The following NCR1 variants were observed in gnomAD, a reference collection of about 807,000 sequenced individuals.
The protein encoded by NCR1 is natural cytotoxicity triggering receptor 1.
NCR1 carries 30 observed loss-of-function variants against 32.5 expected under a neutral mutation model. That is an observed-to-expected ratio of 0.92 (90% CI 0.69 to 1.25). The LOEUF (loss-of-function observed/expected upper bound fraction) is 1.25, where lower values mean the gene tolerates loss of function less well. Among genes scored for constraint, NCR1 ranks in the 50% most tolerant of loss-of-function variants. The pLI, the probability that NCR1 is intolerant of heterozygous loss-of-function variation, is 0.00. For missense variants in NCR1, 369 were observed against 380.7 expected, an observed-to-expected ratio of 0.97 and a Z score of 0.26; for synonymous variants, 169 against 143.4, an observed-to-expected ratio of 1.18 and a Z score of -1.28.
chr19:54,932,808 A>C, the NCR1 span, among the ~76,000 whole-genome samples: 4 of 151,992 alleles, frequency 2.6e-5, no homozygotes, highest in Non-Finnish European at 5.9e-5. Context: ...GGCACGCACC[A>C]CCAAGCCTGG....
At chr19:54,938,146 T>C in the NCR1 span, 1 of 1,614,048 alleles carries the variant, frequency 6.2e-7, no homozygotes, top group Non-Finnish European at 8.5e-7. Flanking sequence ...AAACTTGAGG[T>C]TGCTGTTTGA....
the NCR1 span, among the ~76,000 whole-genome samples, chr19:54,900,371 C>A: frequency 6.6e-6 from 1 of 151,974 alleles, no homozygotes; most frequent in Non-Finnish European, 1.5e-5. Context: ...TGTTCTCTGG[C>A]GGGCAGGAGT....
At chr19:54,916,044 C>A (rs1421055392), downstream of NCR1, 1 of 150,140 alleles carries the variant, frequency 6.7e-6, no homozygotes, top group Admixed American at 6.7e-5. Context: ...ACCCAAAGTA[C>A]AGCGAGCTGA....
chr19:54,934,177 G>A, the NCR1 span, among the ~76,000 whole-genome samples: 4 of 152,044 alleles, frequency 2.6e-5, no homozygotes, highest in Admixed American at 6.6e-5. The surrounding 1 kb of genome is among the most constrained non-coding windows in gnomAD (Gnocchi z 6.7). Flanking sequence ...TCTTGACCTC[G>A]TGATCTCCCC....
the NCR1 span, among the ~76,000 whole-genome samples, chr19:54,930,325 G>A: frequency 6.6e-6 from 1 of 151,808 alleles, no homozygotes; most frequent in South Asian, 2.1e-4. Context: ...ACCTGGCCAT[G>A]GTAATACATG....
At chr19:54,915,544 C>T (rs2068114515), downstream of NCR1, among the ~76,000 whole-genome samples, 2 of 152,074 alleles carry the variant, frequency 1.3e-5, no homozygotes, top group Admixed American at 1.3e-4. Context: ...CTCAGCTACT[C>T]GGGAGGCTGA....
the NCR1 span, among the ~76,000 whole-genome samples, chr19:54,921,843 T>C: frequency 1.3e-5 from 2 of 148,524 alleles, no homozygotes; most frequent in African/African-American, 4.9e-5. Flanking sequence ...GCATTAGCCA[T>C]ATGCCCGTGT....
the NCR1 span, among the ~76,000 whole-genome samples, chr19:54,928,438 C>G: frequency 6.6e-5 from 10 of 152,028 alleles, no homozygotes; most frequent in Non-Finnish European, 1.0e-4. Context: ...TGCTGGGGCT[C>G]CAGTAGTGAG....
the NCR1 span, among the ~76,000 whole-genome samples, chr19:54,922,817 GAC>G: frequency 7.0e-6 from 1 of 142,898 alleles, no homozygotes; most frequent in East Asian, 2.0e-4. Flanking sequence ...AGAACAGAGA[GAC>G]ACATACAAAG....
Position 54,906,781 on chromosome 19 carries a change from G to C in NCR1, c.329G>C (p.Ser110Thr). ...GTTGGGGAGCTCTGGTCAGAGCCCA[G>C]CAACTTGCTGGATCTGGTGGTAACA... ...YRVGELWSEPSNLLDLVVTEM... is the reference protein window; with the variant it reads ...YRVGELWSEPTNLLDLVVTEM... The change falls in exon 3 of 7, where the codon AGC becomes ACC. Residue 110 changes from serine (S) to threonine (T), a missense_variant. Physicochemically the swap from Ser to Thr is moderately conservative, Grantham distance 58. Coordinates refer to ENST00000291890, the MANE Select transcript of NCR1 (RefSeq NM_004829.7). 2 of 1,614,202 alleles carry C rather than the reference G, an allele frequency of 1.2e-6. No individual in the cohort carries two copies. The highest frequency in any genetic ancestry group is 1.7e-6 in the Non-Finnish European group (2 of 1,180,040).
the NCR1 span, among the ~76,000 whole-genome samples, chr19:54,922,652 G>A: frequency 5.3e-5 from 8 of 151,952 alleles, 1 homozygote; most frequent in Admixed American, 2.6e-4. Flanking sequence ...GGTGGCACAG[G>A]GCTGTAATTC....
rs980685612 is a variant in NCR1, at chr19:54,913,033, G to A, written c.*162G>A. The A allele has an allele frequency of 6.7e-6, 4 of 594,378 alleles. No individual in the cohort carries two copies. The African/African-American group carries it at 7.7e-5, about 11-fold the overall frequency. The allele number at this position is 594,378 out of a possible 1,614,324, so 36.8% of individuals were successfully genotyped here. On this transcript the variant is annotated 3_prime_UTR_variant, in exon 7 of 7. Coordinates refer to ENST00000291890, the MANE Select transcript of NCR1 (RefSeq NM_004829.7). ...GAGCATCCCGGACGATGCAGAGGGT[G>A]GGAGAACTACATGCTAAATTTCTTT...
At chr19:54,935,875 G>A in the NCR1 span, among the ~76,000 whole-genome samples, 15 of 151,964 alleles carry the variant, frequency 9.9e-5, no homozygotes, top group East Asian at 5.8e-4. Context: ...ATCTGAGATC[G>A]AACAGTTTCA....
downstream of NCR1, among the ~76,000 whole-genome samples, chr19:54,919,267 A>G (rs2068193945): frequency 6.6e-6 from 1 of 152,160 alleles, no homozygotes; most frequent in African/African-American, 2.4e-5. Context: ...ACTACCACCA[A>G]TGCGCGGAGA....
chr19:54,935,876 AAC>A, the NCR1 span, among the ~76,000 whole-genome samples: 1 of 151,964 alleles, frequency 6.6e-6, no homozygotes, highest in African/African-American at 2.4e-5. Context: ...TCTGAGATCG[AAC>A]AGTTTCATCC....
At chr19:54,934,668 A>G in the NCR1 span, 2 of 1,610,880 alleles carry the variant, frequency 1.2e-6, no homozygotes, top group East Asian at 4.5e-5. The surrounding 1 kb of genome is among the most constrained non-coding windows in gnomAD (Gnocchi z 6.7). Context: ...ACCTGTGAAA[A>G]GAGTGGGAAA....
chr19:54,915,984 A>AAC (rs1343125478), downstream of NCR1: 2 of 151,730 alleles, frequency 1.3e-5, no homozygotes, highest in Admixed American at 6.6e-5. Flanking sequence ...AATACTAGTG[A>AAC]ACAGTGAATA....
the NCR1 span, chr19:54,923,820 T>G: frequency 1.7e-5 from 27 of 1,614,074 alleles, no homozygotes; most frequent in Non-Finnish European, 2.1e-5. Flanking sequence ...TTCTTTTCTT[T>G]CACTTCCTCC....
the NCR1 span, chr19:54,936,406 C>T: frequency 5.8e-5 from 93 of 1,613,932 alleles, no homozygotes; most frequent in Non-Finnish European, 6.4e-5. Flanking sequence ...TCCCGGTACG[C>T]GGTGTCAGGG....
Sources: allele counts gnomAD v4.1 joint callset (sites outside exome capture counted in the v4.1 genomes callset), GRCh38; gene constraint gnomAD v4.1.1; non-coding constraint Gnocchi (gnomAD v3.1); transcripts MANE v1.5; gene names NCBI Gene and HGNC (gene_info 2026-07-23, HGNC 2026-07-21).